Variants in KLHL1 observed in about 807,000 individuals in gnomAD.
KLHL1 encodes kelch-like protein 1.
Under a neutral mutation model 77.7 loss-of-function variants are expected in KLHL1, and 47 were observed. That is an observed-to-expected ratio of 0.60 (90% confidence interval 0.48 to 0.77). The LOEUF (loss-of-function observed/expected upper bound fraction) is 0.77, where lower values mean the gene tolerates loss of function less well. KLHL1 is among the 30% of genes least tolerant of loss of function. KLHL1 has a pLI of 0.00. For synonymous variants in KLHL1, 360 were observed against 325.2 expected, an observed-to-expected ratio of 1.11 and a Z score of -1.15; for missense variants, 925 against 910.8, an observed-to-expected ratio of 1.02 and a Z score of -0.20.
intron 2 of KLHL1, among the ~76,000 whole-genome samples, chr13:69,962,232 C>T (rs571824489): frequency 6.6e-6 from 1 of 151,938 alleles, no homozygotes; most frequent in East Asian, 1.9e-4. Flanking sequence ...TTTGTGTATA[C>T]TATCTACTTT....
chr13:69,779,333 C>CTTCT (rs950464514), intron 7 of KLHL1, among the ~76,000 whole-genome samples: 2 of 147,274 alleles, frequency 1.4e-5, no homozygotes, highest in African/African-American at 5.0e-5. Context: ...AAAGGTCTTC[C>CTTCT]TTCCTTCCTT....
chr13:69,876,322 G>A (rs375499431), intron 5 of KLHL1, among the ~76,000 whole-genome samples: 212 of 152,196 alleles, frequency 1.4e-3, no homozygotes, highest in African/African-American at 4.7e-3. Context: ...TGAAGAGTCC[G>A]TATGTCACTG....
chr13:69,798,387 C>G (rs532398348), intron 6 of KLHL1, among the ~76,000 whole-genome samples: 1 of 151,916 alleles, frequency 6.6e-6, no homozygotes, highest in Non-Finnish European at 1.5e-5. Context: ...AAAGTAAAAA[C>G]GATACAATTT....
chr13:69,880,103 A>G (rs1457497747), intron 5 of KLHL1, among the ~76,000 whole-genome samples: 1 of 152,140 alleles, frequency 6.6e-6, no homozygotes, highest in Non-Finnish European at 1.5e-5. Context: ...CTCTGTGTAT[A>G]TTCATATCTG....
chr13:70,107,430 A>G lies in KLHL1; in HGVS notation c.270T>C (p.Asn90=), dbSNP rs1888095531. Residue 90 remains asparagine (N), a synonymous_variant, in exon 1 of 11, where the codon AAT becomes AAC. Coordinates refer to ENST00000377844, the MANE Select transcript of KLHL1 (RefSeq NM_020866.3). ...SSPSSSSSSF[N]PLNGTLLPVA... is the part of the protein sequence containing the mutation. Reference sequence around the variant, plus strand: ...CTGGAAGCAGGGTGCCATTCAGCGGATTGAAGGAAGAGGAGGAAGAGGACG... The same window carrying G: ...CTGGAAGCAGGGTGCCATTCAGCGGGTTGAAGGAAGAGGAGGAAGAGGACG... 1 of 1,611,262 alleles carries G rather than the reference A, an allele frequency of 6.2e-7. No individual in the cohort carries two copies. Among genetic ancestry groups the G allele is most frequent in the South Asian group, 1.1e-5 (1 of 91,074 alleles).
intron 5 of KLHL1, among the ~76,000 whole-genome samples, chr13:69,844,296 A>G (rs1879374886): frequency 6.6e-6 from 1 of 151,638 alleles, no homozygotes; most frequent in Admixed American, 6.6e-5. Context: ...TGTGTCTTGT[A>G]TTTAATAAAA....
intron 1 of KLHL1, among the ~76,000 whole-genome samples, chr13:70,000,494 A>T (rs572644742): frequency 2.6e-5 from 4 of 152,034 alleles, no homozygotes; most frequent in African/African-American, 9.7e-5. Context: ...TACTAAATAT[A>T]TAGAGAACTA....
intron 1 of KLHL1, among the ~76,000 whole-genome samples, chr13:69,999,902 C>G (rs78003117): frequency 6.6e-6 from 1 of 151,804 alleles, no homozygotes; most frequent in African/African-American, 2.4e-5. Flanking sequence ...CTAATATAGT[C>G]GGGATGTTTG....
chr13:69,991,825 G>A (rs994088567), intron 1 of KLHL1, among the ~76,000 whole-genome samples: 1 of 152,036 alleles, frequency 6.6e-6, no homozygotes, highest in Non-Finnish European at 1.5e-5. Flanking sequence ...GTGAGAGCCA[G>A]AGATAAACAT....
intron 6 of KLHL1, among the ~76,000 whole-genome samples, chr13:69,806,192 CTT>C (rs1877609261): frequency 6.6e-6 from 1 of 152,132 alleles, no homozygotes; most frequent in Non-Finnish European, 1.5e-5. Flanking sequence ...TGATTCCTGT[CTT>C]ACTCCTTATA....
chr13:69,722,285 C>A (rs1381991661), intron 8 of KLHL1, among the ~76,000 whole-genome samples: 1 of 151,770 alleles, frequency 6.6e-6, no homozygotes, highest in African/African-American at 2.4e-5. Flanking sequence ...TAAAATAGTT[C>A]TAGGCAATAA....
At chr13:69,743,452 G>A (rs148188393) in intron 7 of KLHL1, among the ~76,000 whole-genome samples, 1 of 152,088 alleles carries the variant, frequency 6.6e-6, no homozygotes, top group Non-Finnish European at 1.5e-5. Flanking sequence ...CTTGCTGTTG[G>A]AATTTACTAA....
At chr13:69,826,334 C>A (rs369171195) in intron 6 of KLHL1, among the ~76,000 whole-genome samples, 2 of 152,138 alleles carry the variant, frequency 1.3e-5, no homozygotes, top group African/African-American at 4.8e-5. Flanking sequence ...CCTGTAATCC[C>A]GGCACTTTGG....
chr13:69,917,284 A>G (rs1882478649), intron 4 of KLHL1, among the ~76,000 whole-genome samples: 1 of 152,044 alleles, frequency 6.6e-6, no homozygotes. Context: ...ACCAAAAGGG[A>G]TTCCTAAAAA....
chr13:70,070,934 GGA>G (rs1887123597), intron 1 of KLHL1, among the ~76,000 whole-genome samples: 4 of 151,618 alleles, frequency 2.6e-5, no homozygotes, highest in Non-Finnish European at 5.9e-5. Context: ...GACTAATAGA[GGA>G]GAAAATTGAA....
chr13:70,082,046 G>A (rs1019388063), intron 1 of KLHL1, among the ~76,000 whole-genome samples: 3 of 152,018 alleles, frequency 2.0e-5, no homozygotes, highest in African/African-American at 4.8e-5. Context: ...GTTGTTTAAA[G>A]TTTGTAGCAC....
At chr13:70,080,200 C>T in intron 1 of KLHL1, among the ~76,000 whole-genome samples, 1 of 152,126 alleles carries the variant, frequency 6.6e-6, no homozygotes, top group East Asian at 1.9e-4. Context: ...AGTCTGAGTG[C>T]TATCTGATTG....
intron 4 of KLHL1, among the ~76,000 whole-genome samples, chr13:69,939,332 TATACATAC>T (rs1427211607): frequency 1.2e-5 from 1 of 84,178 alleles, no homozygotes; most frequent in African/African-American, 4.9e-5. Context: ...TATATATACA[TATACATAC>T]ATATATATAT....
intron 3 of KLHL1, among the ~76,000 whole-genome samples, chr13:69,944,986 T>C (rs1883475393): frequency 7.0e-6 from 1 of 141,904 alleles, no homozygotes; most frequent in Admixed American, 7.1e-5. Flanking sequence ...TTCTTTTTTT[T>C]TTTTTTTTTT....
Sources: allele counts gnomAD v4.1 joint callset (sites outside exome capture counted in the v4.1 genomes callset), GRCh38; gene constraint gnomAD v4.1.1; transcripts MANE v1.5; gene names NCBI Gene and HGNC (gene_info 2026-07-23, HGNC 2026-07-21).